The following LRRC4C variants were observed in gnomAD, a reference collection of about 807,000 sequenced individuals.
LRRC4C encodes the protein leucine rich repeat containing 4C.
A neutral mutation model predicts 33.6 loss-of-function variants in LRRC4C; 5 were observed. The observed-to-expected ratio is 0.15, with a 90% confidence interval of 0.08 to 0.31. LRRC4C has a LOEUF of 0.31. Among genes scored for constraint, LRRC4C ranks in the 10% least tolerant of loss-of-function variants. The pLI, the probability that LRRC4C is intolerant of heterozygous loss-of-function variation, is 1.00. For synonymous variants in LRRC4C, 329 were observed against 302.0 expected, an observed-to-expected ratio of 1.09 and a Z score of -0.93; for missense variants, 560 against 796.7, an observed-to-expected ratio of 0.70 and a Z score of 3.58.
intron 2 of LRRC4C, among the ~76,000 whole-genome samples, chr11:40,909,050 A>C (rs967715119): frequency 6.6e-6 from 1 of 152,108 alleles, no homozygotes; most frequent in Admixed American, 6.5e-5. Flanking sequence ...AGGAACAACT[A>C]ACACTTTGTA....
chr11:40,450,576 T>C (rs987414293), intron 3 of LRRC4C, among the ~76,000 whole-genome samples: 9 of 152,090 alleles, frequency 5.9e-5, no homozygotes, highest in African/African-American at 2.2e-4. Flanking sequence ...AGTAGGAGTG[T>C]ACTACTGTTT....
intron 1 of LRRC4C, among the ~76,000 whole-genome samples, chr11:41,117,106 G>A (rs1022325529): frequency 7.9e-5 from 12 of 152,076 alleles, no homozygotes; most frequent in African/African-American, 1.7e-4. Flanking sequence ...AAAAACTTGC[G>A]GCCCAGGGAC....
At chr11:40,687,022 C>G (rs552814084) in intron 2 of LRRC4C, among the ~76,000 whole-genome samples, 4 of 152,182 alleles carry the variant, frequency 2.6e-5, no homozygotes, top group African/African-American at 7.2e-5. Flanking sequence ...GCAATTGGTA[C>G]CCACATTACG....
At chr11:40,434,448 C>T (rs1012730595) in intron 3 of LRRC4C, among the ~76,000 whole-genome samples, 2 of 152,198 alleles carry the variant, frequency 1.3e-5, no homozygotes, top group African/African-American at 4.8e-5. Context: ...CTCTTAATTT[C>T]CCTGGAGGGC....
chr11:41,043,268 C>A (rs1857560445), intron 1 of LRRC4C, among the ~76,000 whole-genome samples: 1 of 151,932 alleles, frequency 6.6e-6, no homozygotes, highest in Admixed American at 6.6e-5. Context: ...CCCCTTGGCT[C>A]TTGCACTTTA....
At chr11:41,189,164 C>T (rs1945835286) in intron 1 of LRRC4C, among the ~76,000 whole-genome samples, 1 of 152,042 alleles carries the variant, frequency 6.6e-6, no homozygotes, top group African/African-American at 2.4e-5. Flanking sequence ...GACAAAAAAG[C>T]CTCTGACTTC....
chr11:40,257,137 C>T (rs1255110040), intron 4 of LRRC4C, among the ~76,000 whole-genome samples: 2 of 152,074 alleles, frequency 1.3e-5, no homozygotes, highest in African/African-American at 4.8e-5. Context: ...GAAGCAGTGG[C>T]CACCCAATTA....
At chr11:41,105,049 C>T (rs1941415760) in intron 1 of LRRC4C, among the ~76,000 whole-genome samples, 1 of 151,756 alleles carries the variant, frequency 6.6e-6, no homozygotes, top group African/African-American at 2.4e-5. Context: ...ATCATTGAAC[C>T]ACACATTTAA....
chr11:40,942,023 T>C (rs931937016), intron 1 of LRRC4C, among the ~76,000 whole-genome samples: 3 of 151,910 alleles, frequency 2.0e-5, no homozygotes, highest in Non-Finnish European at 4.4e-5. Flanking sequence ...AGTGAGCAGG[T>C]GAATAAGGGA....
At chr11:41,176,904 G>T (rs891275626) in intron 1 of LRRC4C, among the ~76,000 whole-genome samples, 2 of 152,172 alleles carry the variant, frequency 1.3e-5, no homozygotes, top group Non-Finnish European at 2.9e-5. Context: ...GGCAGAGGTT[G>T]CAGCGAGCTG....
intron 2 of LRRC4C, among the ~76,000 whole-genome samples, chr11:40,650,402 T>C (rs949757485): frequency 6.6e-5 from 10 of 152,194 alleles, no homozygotes; most frequent in Non-Finnish European, 1.2e-4. Flanking sequence ...ATAACTGTCT[T>C]TACTTTCCTA....
At chr11:40,561,422 T>C (rs1957543268) in intron 3 of LRRC4C, among the ~76,000 whole-genome samples, 2 of 145,846 alleles carry the variant, frequency 1.4e-5, no homozygotes, top group Admixed American at 6.9e-5. Flanking sequence ...TTTTTTTTTT[T>C]TTTTTTTTGA....
At chr11:40,751,685 T>A (rs1404650025) in intron 2 of LRRC4C, among the ~76,000 whole-genome samples, 1 of 152,060 alleles carries the variant, frequency 6.6e-6, no homozygotes, top group Non-Finnish European at 1.5e-5. Flanking sequence ...CCCAAAGCAA[T>A]ATACAAATTC....
chr11:40,612,229 C>T (rs535035045), intron 3 of LRRC4C, among the ~76,000 whole-genome samples: 1 of 151,932 alleles, frequency 6.6e-6, no homozygotes, highest in East Asian at 1.9e-4. Context: ...AAAATCTTAT[C>T]AGCTGCTACT....
intron 2 of LRRC4C, among the ~76,000 whole-genome samples, chr11:40,921,818 G>T (rs922691220): frequency 1.3e-5 from 2 of 152,018 alleles, no homozygotes; most frequent in Non-Finnish European, 2.9e-5. Flanking sequence ...CAATAGCAAT[G>T]GAAAATAAAC....
At chr11:41,417,765 T>C (rs1022668594) in intron 1 of LRRC4C, among the ~76,000 whole-genome samples, 1 of 151,960 alleles carries the variant, frequency 6.6e-6, no homozygotes, top group Non-Finnish European at 1.5e-5. Context: ...CAGTACTAGA[T>C]ACAGATTTTT....
chr11:41,234,322 A>G (rs1947929229), intron 1 of LRRC4C, among the ~76,000 whole-genome samples: 1 of 152,094 alleles, frequency 6.6e-6, no homozygotes, highest in Admixed American at 6.6e-5. Flanking sequence ...AAAATGAGCT[A>G]ATTAACATAT....
chr11:41,250,982 C>T (rs181260831), intron 1 of LRRC4C, among the ~76,000 whole-genome samples: 1 of 152,242 alleles, frequency 6.6e-6, no homozygotes, highest in East Asian at 1.9e-4. Flanking sequence ...AGATAGTTCT[C>T]TTATATTTTA....
chr11:40,373,299 C>G (rs1383444509), intron 3 of LRRC4C, among the ~76,000 whole-genome samples: 7 of 151,824 alleles, frequency 4.6e-5, no homozygotes, highest in Non-Finnish European at 8.8e-5. Context: ...GAAACATTGA[C>G]CACAACATAA....
Sources: gnomAD v4.1 joint callset for allele counts (sites outside exome capture counted in the v4.1 genomes callset) on GRCh38, gnomAD v4.1.1 for gene constraint, MANE v1.5 for transcripts, NCBI Gene and HGNC (gene_info 2026-07-23, HGNC 2026-07-21) for gene names.